The following IL1R2 variants were observed in gnomAD, a reference collection of about 807,000 sequenced individuals.
The protein encoded by IL1R2 is interleukin-1 receptor type 2.
Under a neutral mutation model 39.5 loss-of-function variants are expected in IL1R2, and 46 were observed. That is an observed-to-expected ratio of 1.16 (90% CI 0.92 to 1.49). IL1R2 has a LOEUF of 1.49. IL1R2 is among the 40% of genes most tolerant of loss of function. The probability of loss-of-function intolerance (pLI) is 0.00; values close to 1 mark genes in which losing one functional copy is unlikely to be tolerated. For missense variants in IL1R2, 537 were observed against 502.0 expected (o/e 1.07, Z -0.67); for synonymous variants, 207 against 189.6 (o/e 1.09, Z -0.75).
intron 3 of IL1R2, among the ~76,000 whole-genome samples, chr2:102,012,149 G>T (rs1676679052): frequency 6.6e-6 from 1 of 152,154 alleles, no homozygotes; most frequent in Non-Finnish European, 1.5e-5. Flanking sequence ...TAGTGTTTTG[G>T]CCTCTCTCTT....
chr2:101,996,835 G>C (rs528626492), intron 1 of IL1R2, among the ~76,000 whole-genome samples: 2 of 151,628 alleles, frequency 1.3e-5, no homozygotes, highest in African/African-American at 4.8e-5. Flanking sequence ...ACTACAAATT[G>C]ACGCCAAAAA....
intron 1 of IL1R2, among the ~76,000 whole-genome samples, chr2:102,007,637 CT>C (rs1676348914): frequency 6.6e-6 from 1 of 152,152 alleles, no homozygotes; most frequent in African/African-American, 2.4e-5. Context: ...AAAAAGCAGT[CT>C]GTGGTCTGTG....
chr2:102,015,459 C>T (rs1054571860), intron 3 of IL1R2, among the ~76,000 whole-genome samples: 2 of 152,250 alleles, frequency 1.3e-5, no homozygotes, highest in East Asian at 1.9e-4. Context: ...TACCAATAAA[C>T]CCATTGTAAG....
At chr2:102,008,354 G>A (rs1676393512) in intron 1 of IL1R2, among the ~76,000 whole-genome samples, 161 bp from the exon 2 acceptor site, 3 of 152,386 alleles carry the variant, frequency 2.0e-5, no homozygotes, top group South Asian at 4.1e-4. Flanking sequence ...TATAGCTGCA[G>A]AGAAACAAAT....
At chr2:102,002,034 A>G (rs1293264834) in intron 1 of IL1R2, 1 of 152,194 alleles carries the variant, frequency 6.6e-6, no homozygotes, top group Non-Finnish European at 1.5e-5. Context: ...CAAGGTAATG[A>G]TAGAAATAGA....
At chr2:102,017,200 C>A (rs1294201725) in intron 4 of IL1R2, among the ~76,000 whole-genome samples, 1 of 151,914 alleles carries the variant, frequency 6.6e-6, no homozygotes, top group East Asian at 1.9e-4. Context: ...GAGTTTGAGA[C>A]CAGCCTGGCC....
intron 4 of IL1R2, among the ~76,000 whole-genome samples, chr2:102,018,394 C>G (rs1677142529): frequency 6.6e-6 from 1 of 152,224 alleles, no homozygotes; most frequent in Non-Finnish European, 1.5e-5. Context: ...GTGACTCCAC[C>G]TCTCGAACCT....
rs377633681 is a variant in IL1R2, at chr2:102,026,282, G to A, written c.1030+29G>A. The A allele has an allele frequency of 2.1e-5, 33 of 1,553,392 alleles. No individual in the cohort carries two copies. In the African/African-American group the frequency reaches 3.2e-4, roughly 15 times the overall value. On this transcript the variant is annotated intron_variant, in intron 8 of 8. Coordinates refer to ENST00000332549, the MANE Select transcript of IL1R2 (RefSeq NM_004633.4). ...TGTATGTATTTTGGGGAGCACTATA[G>A]GAGAATATAACATGTTGAATGTTCC...
At chr2:102,022,329 C>T (rs548265414) in intron 6 of IL1R2, 80 bp downstream of exon 6, 17 of 1,199,058 alleles carry the variant, frequency 1.4e-5, no homozygotes, top group South Asian at 4.9e-5. Flanking sequence ...GGGACCCTTG[C>T]GTCTGCTGAT....
At chr2:102,015,522 A>T (rs1313914874) in intron 3 of IL1R2, among the ~76,000 whole-genome samples, 1 of 152,198 alleles carries the variant, frequency 6.6e-6, no homozygotes, top group Non-Finnish European at 1.5e-5. Flanking sequence ...CTTACCCAAC[A>T]TCACAACTTA....
chr2:101,992,673 GCAGA>G (rs949882930), intron 1 of IL1R2, among the ~76,000 whole-genome samples: 3 of 149,754 alleles, frequency 2.0e-5, no homozygotes, highest in South Asian at 4.3e-4. Context: ...ACAGAGAAAG[GCAGA>G]CAGAGACAGA....
intron 1 of IL1R2, among the ~76,000 whole-genome samples, chr2:101,992,528 G>C (rs1364159584): frequency 6.6e-6 from 1 of 150,868 alleles, no homozygotes; most frequent in Non-Finnish European, 1.5e-5. Flanking sequence ...CAGAGAGACA[G>C]AGATGGAGAG....
At chr2:101,997,371 G>A (rs1675643134) in intron 1 of IL1R2, among the ~76,000 whole-genome samples, 1 of 152,200 alleles carries the variant, frequency 6.6e-6, no homozygotes, top group South Asian at 2.1e-4. Flanking sequence ...AACCAGCAGG[G>A]CATGAGTACC....
intron 1 of IL1R2, 63 bp downstream of exon 1, chr2:101,992,074 A>G: frequency 7.2e-6 from 1 of 138,442 alleles, no homozygotes; most frequent in Non-Finnish European, 1.5e-5. Context: ...AGAGAGAGGG[A>G]GAGAGAGAGA....
In IL1R2 at chr2:101,993,085, G is replaced by A. The variant is rs938574413; in HGVS notation, c.-62+1074G>A. Among the ~76,000 whole-genome samples, 7 of 152,184 alleles carry A rather than the reference G, an allele frequency of 4.6e-5. No homozygotes were observed. The South Asian group carries it at 6.2e-4, about 14-fold the overall frequency. On this transcript the variant is annotated intron_variant, in intron 1 of 8. Transcript: ENST00000332549. Reference sequence around the variant, plus strand: ...CCGTTTCTACCGCATGAGGCTGCACGTGGGATGTGCACTGAATGGAGGGCT... The same window carrying A: ...CCGTTTCTACCGCATGAGGCTGCACATGGGATGTGCACTGAATGGAGGGCT...
At chr2:102,011,573 T>C (rs1676638995) in intron 3 of IL1R2, among the ~76,000 whole-genome samples, 1 of 152,230 alleles carries the variant, frequency 6.6e-6, no homozygotes, top group Non-Finnish European at 1.5e-5. Context: ...GGACTCTAAG[T>C]CCTTTGCCCA....
chr2:102,004,001 G>A (rs540582752), intron 1 of IL1R2, among the ~76,000 whole-genome samples: 17 of 131,996 alleles, frequency 1.3e-4, no homozygotes, highest in Non-Finnish European at 2.6e-4. Flanking sequence ...CTATGTCTAT[G>A]TCTATGTCTA....
intron 3 of IL1R2, among the ~76,000 whole-genome samples, chr2:102,010,675 T>G (rs1676575447): frequency 6.6e-6 from 1 of 152,078 alleles, no homozygotes; most frequent in Non-Finnish European, 1.5e-5. Flanking sequence ...TAGAGCTGAC[T>G]CTGGAGCCCG....
At chr2:102,010,045 C>A (rs530109514) in intron 3 of IL1R2, 145 of 574,232 alleles carry the variant, frequency 2.5e-4, no homozygotes, top group Non-Finnish European at 4.1e-4. Flanking sequence ...TTGGAGACAA[C>A]GTCCCTAGCC....
Sources: gnomAD v4.1 joint callset for allele counts (sites outside exome capture counted in the v4.1 genomes callset) on GRCh38, gnomAD v4.1.1 for gene constraint, MANE v1.5 for transcripts, NCBI Gene and HGNC (gene_info 2026-07-23, HGNC 2026-07-21) for gene names.